The following GRK4 variants were observed in gnomAD, a reference collection of about 807,000 sequenced individuals.
GRK4 encodes the protein G protein-coupled receptor kinase 2-like.
In GRK4, 73 loss-of-function variants were observed where a neutral mutation model predicts 77.9. The observed-to-expected ratio is 0.94, with a 90% CI of 0.78 to 1.14. The LOEUF is 1.14. GRK4 is among the 50% of genes most tolerant of loss of function. The probability of loss-of-function intolerance (pLI) is 0.00; values close to 1 mark genes in which losing one functional copy is unlikely to be tolerated. For missense variants in GRK4, 729 were observed against 700.2 expected, an observed-to-expected ratio of 1.04 and a Z score of -0.46; for synonymous variants, 257 against 254.4, an observed-to-expected ratio of 1.01 and a Z score of -0.10.
intron 9 of GRK4, among the ~76,000 whole-genome samples, chr4:3,020,118 C>G (rs549557851): frequency 1.3e-5 from 2 of 152,204 alleles, no homozygotes; most frequent in East Asian, 3.9e-4. Context: ...ATTCTCCTGC[C>G]TCAGACTCCC....
At chr4:3,005,348 C>T (rs1197134157) in intron 5 of GRK4, among the ~76,000 whole-genome samples, 1 of 151,966 alleles carries the variant, frequency 6.6e-6, no homozygotes, top group African/African-American at 2.4e-5. Flanking sequence ...GCTCTGGGTG[C>T]AACTTAGAGG....
At chr4:2,991,394 A>G (rs1031632731) in intron 3 of GRK4, among the ~76,000 whole-genome samples, 1 of 152,206 alleles carries the variant, frequency 6.6e-6, no homozygotes, top group African/African-American at 2.4e-5. Flanking sequence ...TGTTTGAGTG[A>G]CTAACTGGGG....
chr4:2,983,905 G>C (rs1272392627), intron 1 of GRK4, among the ~76,000 whole-genome samples: 1 of 152,192 alleles, frequency 6.6e-6, no homozygotes, highest in Admixed American at 6.5e-5. Context: ...AGGAGAGAGA[G>C]AGGGGGAGAG....
At chr4:2,990,847 TG>T (rs1458743726) in intron 3 of GRK4, among the ~76,000 whole-genome samples, 1 of 152,212 alleles carries the variant, frequency 6.6e-6, no homozygotes, top group Non-Finnish European at 1.5e-5. Context: ...ATGGCAGTTG[TG>T]TAGGTTCAGA....
Position 2,997,926 on chromosome 4 carries a change from G to A in GRK4, c.339+5634G>A, listed in dbSNP as rs972818392. 4.0e-3 allele frequency among the ~76,000 whole-genome samples: 519 copies of A among 129,758 alleles called. 3 individuals carry two copies. Among genetic ancestry groups the A allele is most frequent in the Non-Finnish European group, 6.5e-3 (390 of 60,160 alleles). The allele number at this position is 129,758 out of a possible 152,430, so 85.1% of individuals were successfully genotyped here. On this transcript the variant is annotated intron_variant, in intron 4 of 15. Coordinates refer to ENST00000398052, the MANE Select transcript of GRK4 (RefSeq NM_182982.3). ...CCATCTCCAAAAAAAAAAAAAAAAAGTAAAAGACTATATGCTTTCCTTTAA... is the reference window on the plus strand; with the variant it reads ...CCATCTCCAAAAAAAAAAAAAAAAAATAAAAGACTATATGCTTTCCTTTAA...
intron 3 of GRK4, among the ~76,000 whole-genome samples, chr4:2,991,443 C>T (rs1726139139): frequency 6.6e-6 from 1 of 152,216 alleles, no homozygotes; most frequent in South Asian, 2.1e-4. Flanking sequence ...AGGACCATTG[C>T]AGGATCAGAC....
intron 12 of GRK4, among the ~76,000 whole-genome samples, chr4:3,034,162 G>T (rs1176112382): frequency 1.3e-5 from 2 of 152,194 alleles, no homozygotes; most frequent in Non-Finnish European, 2.9e-5. Flanking sequence ...GCAGGTATGG[G>T]GGCCAGAAAG....
rs1735490291 is a variant in GRK4 at position 3,019,521 on chromosome 4, G to A, written c.742-120G>A. ...CCTGTACATTTCTCTGAAACATATA[G>A]TATTCACATGTTCTGATTGTAAACC... On this transcript the variant is annotated intron_variant, in intron 8 of 15. Coordinates refer to ENST00000398052, the MANE Select transcript of GRK4 (RefSeq NM_182982.3). The A allele has an allele frequency of 8.3e-6, 7 of 842,162 alleles. No individual in the cohort carries two copies. In the South Asian group the frequency reaches 1.0e-4, roughly 12 times the overall value. The allele number at this position is 842,162 out of a possible 1,614,324, so 52.2% of individuals were successfully genotyped here.
At chr4:2,992,105 T>G in intron 3 of GRK4, 110 bp from the exon 4 acceptor site, 8 of 664,510 alleles carry the variant, frequency 1.2e-5, no homozygotes, top group Non-Finnish European at 1.9e-5. Flanking sequence ...CTCGAACTCT[T>G]GAGCTCAAGT....
intron 8 of GRK4, among the ~76,000 whole-genome samples, chr4:3,015,737 T>C (rs1358805115): frequency 6.6e-6 from 1 of 151,932 alleles, no homozygotes; most frequent in Non-Finnish European, 1.5e-5. Context: ...GTGCAATTAC[T>C]TGAAAATCTG....
chr4:2,975,851 G>C (rs1456383581), intron 1 of GRK4, among the ~76,000 whole-genome samples: 3 of 152,164 alleles, frequency 2.0e-5, no homozygotes, highest in African/African-American at 4.8e-5. Flanking sequence ...CCATTGGTTT[G>C]TACTGAGCTC....
At chr4:3,032,368 C>T (rs1739414880) in intron 12 of GRK4, among the ~76,000 whole-genome samples, 1 of 151,610 alleles carries the variant, frequency 6.6e-6, no homozygotes, top group Non-Finnish European at 1.5e-5. Context: ...ATCCCAGGTA[C>T]TCGGAAGGCT....
chr4:3,014,037 A>G (rs1445699430), intron 8 of GRK4, among the ~76,000 whole-genome samples: 2 of 152,160 alleles, frequency 1.3e-5, no homozygotes, highest in Non-Finnish European at 2.9e-5. Flanking sequence ...ACATAGAAGG[A>G]GTGATACTGC....
chr4:2,997,103 G>C (rs1277277875), intron 4 of GRK4, among the ~76,000 whole-genome samples: 2 of 152,150 alleles, frequency 1.3e-5, no homozygotes, highest in Admixed American at 6.5e-5. Flanking sequence ...AAGACCGTGT[G>C]TTCATTCTTG....
chr4:2,988,902 T>G (rs1276173859), intron 3 of GRK4, 63 bp downstream of exon 3: 4 of 1,088,824 alleles, frequency 3.7e-6, no homozygotes, highest in Non-Finnish European at 5.6e-6. Flanking sequence ...ATGTAAAAAC[T>G]TGGCCAGGCG....
At chr4:3,010,914 G>T (rs1176568881) in intron 7 of GRK4, among the ~76,000 whole-genome samples, 1 of 152,154 alleles carries the variant, frequency 6.6e-6, no homozygotes, top group African/African-American at 2.4e-5. Flanking sequence ...CAACGTAGTT[G>T]TTACTTCAGG....
Position 3,035,393 on chromosome 4 carries a change from C to G in GRK4, c.1277C>G (p.Thr426Ser), listed in dbSNP as rs753223761. ...CATTTCTGCCTCTTGCAGTTACTCA[C>G]CAAGAATCCAAGCAAGCGGCTGGGC... is the stretch of plus-strand genomic sequence containing the variant. Reference protein sequence around the residue: ...DAKSICRMLLTKNPSKRLGCR... With the variant: ...DAKSICRMLLSKNPSKRLGCR... The change falls in exon 13 of 16, where the codon ACC becomes AGC. Residue 426 changes from threonine (T) to serine (S), a missense_variant. Transcript: ENST00000398052. 1 of 1,613,912 alleles carries G rather than the reference C, an allele frequency of 6.2e-7. No homozygotes were observed. Among genetic ancestry groups the G allele is most frequent in the Non-Finnish European group, 8.5e-7 (1 of 1,179,968 alleles).
Position 3,013,804 on chromosome 4 carries a change from G to A in GRK4, c.717G>A (p.Leu239=). ...EAMALNEKRI[L]EKVQSRFVVS... is the part of the protein sequence containing the mutation. ...TGGCTCTAAATGAGAAAAGAATTCTGGAGAAAGTGCAAAGTAGATTCGTAG... is the reference window on the plus strand; with the variant it reads ...TGGCTCTAAATGAGAAAAGAATTCTAGAGAAAGTGCAAAGTAGATTCGTAG... The change falls in exon 8 of 16, where the codon CTG becomes CTA. Residue 239 remains leucine (L), a synonymous_variant. Transcript: ENST00000398052. 6.2e-6 allele frequency: 10 copies of A among 1,610,462 alleles called. No individual in the cohort carries two copies. The highest frequency in any genetic ancestry group is 1.1e-5 in the South Asian group (1 of 90,006).
intron 4 of GRK4, among the ~76,000 whole-genome samples, chr4:3,001,068 T>C (rs529401647): frequency 1.3e-4 from 18 of 138,064 alleles, no homozygotes; most frequent in Non-Finnish European, 2.5e-4. Flanking sequence ...TAGGGCTAAA[T>C]GAGACTATAT....
Sources: gnomAD v4.1 joint callset for allele counts (sites outside exome capture counted in the v4.1 genomes callset) on GRCh38, gnomAD v4.1.1 for gene constraint, MANE v1.5 for transcripts, NCBI Gene and HGNC (gene_info 2026-07-23, HGNC 2026-07-21) for gene names.